Variants in B4GALNT2 observed in about 807,000 individuals in gnomAD.
B4GALNT2 encodes the protein N-acetylneuraminylgalactosylglucosyl-glucoside beta-1,4-N- acetylgalactosaminyltransferase 2.
In B4GALNT2, 42 loss-of-function variants were observed where a neutral mutation model predicts 51.1. The observed-to-expected ratio is 0.82, with a 90% CI of 0.64 to 1.06. The LOEUF is 1.06. Ranked by LOEUF, B4GALNT2 falls within the 50% of genes least tolerant of loss-of-function variation. B4GALNT2 has a pLI of 0.00. For missense variants in B4GALNT2, 602 were observed against 633.6 expected, an observed-to-expected ratio of 0.95 and a Z score of 0.54; for synonymous variants, 253 against 251.7, an observed-to-expected ratio of 1.01 and a Z score of -0.05.
chr17:49,176,347 C>T lies in B4GALNT2; in HGVS notation c.*6619C>T, dbSNP rs563679667. On this transcript the variant is annotated 3_prime_UTR_variant, in exon 11 of 11. Transcript: ENST00000393354. ...AAAGCCCCGAACAGAGTTTGACTCA[C>T]ATGTTTATTGACAGCAAGCCAGTGA... is the stretch of plus-strand genomic sequence containing the variant. 166 of 152,346 alleles carry T rather than the reference C, an allele frequency of 1.1e-3. No homozygotes were observed. Among genetic ancestry groups the T allele is most frequent in the African/African-American group, 3.9e-3 (163 of 41,578 alleles). The allele number at this position is 152,346 out of a possible 1,614,324, so 9.4% of individuals were successfully genotyped here. A position where few individuals can be genotyped will look rare whatever the true frequency, so the allele number is the denominator to read the frequency against.
At chr17:49,150,539 G>A (rs1202248010) in intron 3 of B4GALNT2, among the ~76,000 whole-genome samples, 1 of 151,928 alleles carries the variant, frequency 6.6e-6, no homozygotes, top group African/African-American at 2.4e-5. Context: ...TGTGTAGAAA[G>A]AGGTAGACGT....
chr17:49,169,936 A>G lies in B4GALNT2; in HGVS notation c.*208A>G, dbSNP rs1437864818. 1 of 476,112 alleles carries G rather than the reference A, an allele frequency of 2.1e-6. No homozygotes were observed. Among genetic ancestry groups the G allele is most frequent in the African/African-American group, 2.0e-5 (1 of 50,720 alleles). 29.5% of individuals were successfully genotyped at this position (476,112 alleles called of 1,614,324 possible). A position where few individuals can be genotyped will look rare whatever the true frequency, so the allele number is the denominator to read the frequency against. ...CACTGACCAGGGCAATGGAGACTGT[A>G]TTAATAGCAATGATGATTTGTACAA... On this transcript the variant is annotated 3_prime_UTR_variant, in exon 11 of 11. Coordinates refer to ENST00000393354, the MANE Select transcript of B4GALNT2 (RefSeq NM_001159387.2).
upstream of B4GALNT2, among the ~76,000 whole-genome samples, chr17:49,130,905 C>T (rs2042534216): frequency 6.6e-6 from 1 of 152,206 alleles, no homozygotes; most frequent in Non-Finnish European, 1.5e-5. Flanking sequence ...TTGTCTACCT[C>T]CTCCTTTGGT....
upstream of B4GALNT2, among the ~76,000 whole-genome samples, chr17:49,131,462 G>GAAA (rs367790096): frequency 4.0e-3 from 399 of 100,250 alleles, 11 homozygotes; most frequent in Middle Eastern, 5.5e-3. Context: ...CCCAGACTCC[G>GAAA]AAAAAAAAAA....
At chr17:49,146,189 G>A (rs1365772828) in intron 3 of B4GALNT2, among the ~76,000 whole-genome samples, 1 of 152,166 alleles carries the variant, frequency 6.6e-6, no homozygotes, top group Non-Finnish European at 1.5e-5. Flanking sequence ...TCACCTAGTT[G>A]GCATTATAAT....
rs1207559224 is a variant in B4GALNT2 at position 49,154,452 on chromosome 17, TG to T, written c.460+1547del. On this transcript the variant is annotated intron_variant, in intron 4 of 10. Transcript: ENST00000393354. Reference sequence around the variant, plus strand: ...AGAAGGATGAGCCTGCAGGCACAGATGTCCCCTCCCAGTGCAGAGATGTTGG... The same window carrying T: ...AGAAGGATGAGCCTGCAGGCACAGATTCCCCTCCCAGTGCAGAGATGTTGG... Among the ~76,000 whole-genome samples, 5 of 152,198 alleles carry T rather than the reference TG, an allele frequency of 3.3e-5. No homozygotes were observed. In the South Asian group the frequency reaches 1.0e-3, roughly 32 times the overall value.
chr17:49,145,488 C>T (rs2042686178), intron 3 of B4GALNT2, among the ~76,000 whole-genome samples: 1 of 152,196 alleles, frequency 6.6e-6, no homozygotes, highest in Admixed American at 6.5e-5. Flanking sequence ...ATGACAATTA[C>T]AGTCCTCATT....
chr17:49,148,925 A>G (rs1471430683), intron 3 of B4GALNT2, among the ~76,000 whole-genome samples: 70 of 151,896 alleles, frequency 4.6e-4, no homozygotes, highest in African/African-American at 1.7e-3. Flanking sequence ...GCGTGGTGGC[A>G]TGTGCCTGTA....
intron 1 of B4GALNT2, among the ~76,000 whole-genome samples, chr17:49,136,732 A>G (rs1329582305): frequency 1.3e-5 from 2 of 151,896 alleles, no homozygotes; most frequent in African/African-American, 2.4e-5. Flanking sequence ...TTTTTAGTGG[A>G]GACGGGGTTT....
intron 10 of B4GALNT2, 121 bp from the exon 11 acceptor site, chr17:49,169,402 C>A: frequency 2.2e-6 from 2 of 912,704 alleles, no homozygotes; most frequent in South Asian, 1.5e-5. Context: ...TCACGTGGGG[C>A]TGAACCTCCC....
At chr17:49,163,317 G>T (rs560059559) in intron 7 of B4GALNT2, among the ~76,000 whole-genome samples, 7 of 152,282 alleles carry the variant, frequency 4.6e-5, no homozygotes, top group Admixed American at 3.9e-4. Flanking sequence ...TGAGGATAGA[G>T]ATCAGGTAAG....
intron 1 of B4GALNT2, among the ~76,000 whole-genome samples, chr17:49,139,660 G>A (rs946505608): frequency 6.6e-6 from 1 of 152,114 alleles, no homozygotes; most frequent in Non-Finnish European, 1.5e-5. Context: ...AGGACTATAG[G>A]CACATGCCAC....
At position 49,152,831 on chromosome 17, in the gene B4GALNT2, G is replaced by T; in HGVS notation, c.385G>T (p.Val129Phe). 1 of 1,609,616 alleles carries T rather than the reference G, an allele frequency of 6.2e-7. No individual in the cohort carries two copies. Among genetic ancestry groups the T allele is most frequent in the Non-Finnish European group, 8.5e-7 (1 of 1,177,898 alleles). ...EGLPRPLPLLVQPNLPFGYPV... is the reference protein window; with the variant it reads ...EGLPRPLPLLFQPNLPFGYPV... ...GCTGCCCCGCCCACTGCCCCTGCTG[G>T]TCCAGCCCAACCTCCCCTTTGGGTA... The change falls in exon 4 of 11, where the codon GTC becomes TTC. Residue 129 changes from valine to phenylalanine, a missense_variant. Physicochemically the swap from Val to Phe is conservative, Grantham distance 50. Coordinates refer to ENST00000393354, the MANE Select transcript of B4GALNT2 (RefSeq NM_001159387.2).
At chr17:49,160,531 C>T (rs756097824) in intron 6 of B4GALNT2, 24 bp from the exon 7 acceptor site, 14 of 1,601,730 alleles carry the variant, frequency 8.7e-6, no homozygotes, top group Non-Finnish European at 1.2e-5. Context: ...ACTCCCTGTG[C>T]CATTATCTTA....
At chr17:49,158,604 T>C (rs1046373097) in intron 5 of B4GALNT2, among the ~76,000 whole-genome samples, 2 of 121,500 alleles carry the variant, frequency 1.6e-5, no homozygotes. Flanking sequence ...TGCACTGCAC[T>C]CCAGCCTGGG....
intron 1 of B4GALNT2, among the ~76,000 whole-genome samples, chr17:49,135,055 C>T (rs1242653457): frequency 2.6e-5 from 4 of 152,118 alleles, no homozygotes; most frequent in Non-Finnish European, 5.9e-5. Flanking sequence ...TGTGGTATAC[C>T]TGTGGTATTT....
chr17:49,154,090 T>TC (rs1284060681), intron 4 of B4GALNT2, among the ~76,000 whole-genome samples: 1 of 151,032 alleles, frequency 6.6e-6, no homozygotes, highest in Non-Finnish European at 1.5e-5. Context: ...TGCAACCTCC[T>TC]CCTCCTGGGT....
Position 49,164,180 on chromosome 17 carries a change from T to C in B4GALNT2, c.859T>C (p.Tyr287His). 6.2e-7 allele frequency: 1 copy of C among 1,613,892 alleles called. No homozygotes were observed. The highest frequency in any genetic ancestry group is 8.5e-7 in the Non-Finnish European group (1 of 1,179,728). Residue 287 changes from tyrosine (Y) to histidine (H), a missense_variant, in exon 8 of 11, where the codon TAC becomes CAC. Physicochemically the swap from Tyr to His is moderately conservative, Grantham distance 83. Transcript: ENST00000393354. ...MIMLRSIREY[Y>H]PDLTVIVADD... ...CATGCTCCGGAGTATTCGAGAGTAT[T>C]ACCCAGACTTGACCGTAATAGTGGC...
the B4GALNT2 span, among the ~76,000 whole-genome samples, chr17:49,126,655 T>C: frequency 8.2e-5 from 11 of 134,688 alleles, no homozygotes; most frequent in East Asian, 1.0e-3. Flanking sequence ...TCTTTCTTTT[T>C]TTTTTTTTTT....
Sources: gnomAD v4.1 joint callset for allele counts (sites outside exome capture counted in the v4.1 genomes callset) on GRCh38, gnomAD v4.1.1 for gene constraint, MANE v1.5 for transcripts, NCBI Gene and HGNC (gene_info 2026-07-23, HGNC 2026-07-21) for gene names.